The following SNTG1 variants were observed in gnomAD, a reference collection of about 807,000 sequenced individuals.
SNTG1 encodes gamma-1-syntrophin.
In SNTG1, 39 loss-of-function variants were observed where a neutral mutation model predicts 74.7. That is an observed-to-expected ratio of 0.52 (90% CI 0.40 to 0.68). SNTG1 has a LOEUF of 0.68. SNTG1 is among the 30% of genes least tolerant of loss of function. The pLI is 0.00. For missense variants in SNTG1, 685 were observed against 609.5 expected, an observed-to-expected ratio of 1.12 and a Z score of -1.30; for synonymous variants, 254 against 217.1, an observed-to-expected ratio of 1.17 and a Z score of -1.49.
chr8:50,202,986 G>T, intron 2 of SNTG1, among the ~76,000 whole-genome samples: 1 of 151,496 alleles, frequency 6.6e-6, no homozygotes. Context: ...TTTTGATATT[G>T]TCATTACACA....
chr8:50,748,120 G>C (rs1248688421), intron 17 of SNTG1, among the ~76,000 whole-genome samples: 1 of 151,982 alleles, frequency 6.6e-6, no homozygotes, highest in Non-Finnish European at 1.5e-5. Context: ...GAGACCATGG[G>C]TAATGTCTCC....
At chr8:50,502,458 A>G (rs1266349911) in intron 8 of SNTG1, among the ~76,000 whole-genome samples, 1 of 152,210 alleles carries the variant, frequency 6.6e-6, no homozygotes, top group Non-Finnish European at 1.5e-5. Context: ...AGTGACCTGA[A>G]CATTCTATCT....
At chr8:50,711,975 T>C (rs1326171107) in intron 17 of SNTG1, among the ~76,000 whole-genome samples, 1 of 152,226 alleles carries the variant, frequency 6.6e-6, no homozygotes, top group Non-Finnish European at 1.5e-5. Flanking sequence ...AAAAGCATAA[T>C]CTTGTTGCCA....
intron 9 of SNTG1, among the ~76,000 whole-genome samples, chr8:50,521,495 A>G (rs781773131): frequency 1.3e-5 from 2 of 152,120 alleles, no homozygotes; most frequent in African/African-American, 2.4e-5. Flanking sequence ...TAGTCTCTCT[A>G]TTGATGGATG....
chr8:50,740,410 T>C (rs577511966), intron 17 of SNTG1, among the ~76,000 whole-genome samples: 1 of 138,190 alleles, frequency 7.2e-6, no homozygotes, highest in East Asian at 2.1e-4. Context: ...GAAATGCAAA[T>C]CAAAACCACA....
intron 2 of SNTG1, among the ~76,000 whole-genome samples, chr8:50,332,301 T>A (rs934730848): frequency 1.3e-5 from 2 of 152,132 alleles, no homozygotes; most frequent in Admixed American, 6.6e-5. Context: ...GAAGAAAAAA[T>A]TGAGTTTTGG....
At chr8:50,342,630 T>C (rs2091351047) in intron 2 of SNTG1, among the ~76,000 whole-genome samples, 2 of 152,178 alleles carry the variant, frequency 1.3e-5, no homozygotes, top group South Asian at 4.1e-4. Context: ...TTTTTAAAAA[T>C]CTGTCATTCA....
chr8:50,769,811 A>G (rs1031616812), intron 18 of SNTG1, among the ~76,000 whole-genome samples: 6 of 152,068 alleles, frequency 3.9e-5, no homozygotes, highest in African/African-American at 1.2e-4. Flanking sequence ...CTCTTATTTT[A>G]TTTACATTAA....
At chr8:50,150,691 T>C (rs544484083) in intron 1 of SNTG1, among the ~76,000 whole-genome samples, 1 of 152,354 alleles carries the variant, frequency 6.6e-6, no homozygotes, top group East Asian at 1.9e-4. Context: ...TATGATGGAT[T>C]ACATTTATTG....
At chr8:49,991,851 G>C (rs1291959212) in intron 1 of SNTG1, among the ~76,000 whole-genome samples, 1 of 152,156 alleles carries the variant, frequency 6.6e-6, no homozygotes, top group Non-Finnish European at 1.5e-5. Flanking sequence ...CTTTGGTATG[G>C]TGGCATGTTC....
chr8:50,162,228 A>G (rs1037574267), intron 1 of SNTG1, among the ~76,000 whole-genome samples: 39 of 152,188 alleles, frequency 2.6e-4, no homozygotes, highest in Admixed American at 7.8e-4. Context: ...AGCCAATGGG[A>G]AGTGAGGCTG....
intron 2 of SNTG1, among the ~76,000 whole-genome samples, chr8:50,275,270 C>A (rs2130346033): frequency 6.6e-6 from 1 of 152,204 alleles, no homozygotes; most frequent in East Asian, 1.9e-4. Flanking sequence ...GATATTTAGA[C>A]AACTGATATT....
intron 15 of SNTG1, among the ~76,000 whole-genome samples, chr8:50,701,845 T>C (rs1336076699): frequency 6.8e-6 from 1 of 147,180 alleles, no homozygotes; most frequent in Non-Finnish European, 1.5e-5. Flanking sequence ...CTCCTCCTTC[T>C]CCCTCTTCTT....
chr8:50,617,119 T>C (rs2094890145), intron 13 of SNTG1, among the ~76,000 whole-genome samples: 1 of 152,044 alleles, frequency 6.6e-6, no homozygotes, highest in Non-Finnish European at 1.5e-5. Context: ...ATCTCACTCA[T>C]CCTGTTTTAC....
chr8:50,380,242 A>G (rs1187985104), intron 2 of SNTG1, among the ~76,000 whole-genome samples: 1 of 152,238 alleles, frequency 6.6e-6, no homozygotes. Flanking sequence ...AATGAAACTC[A>G]AGTGACTGTA....
chr8:50,688,328 G>A (rs541045255), intron 15 of SNTG1, among the ~76,000 whole-genome samples: 72 of 152,134 alleles, frequency 4.7e-4, no homozygotes, highest in African/African-American at 1.3e-3. Context: ...TGAAGTCCTC[G>A]CCCATGCCTA....
intron 2 of SNTG1, among the ~76,000 whole-genome samples, chr8:50,205,474 C>A (rs536757073): frequency 6.6e-6 from 1 of 152,186 alleles, no homozygotes; most frequent in African/African-American, 2.4e-5. Context: ...AGATATTAGA[C>A]CTTTGTCAGA....
At chr8:50,554,361 T>A (rs1408846366) in intron 12 of SNTG1, among the ~76,000 whole-genome samples, 1 of 152,194 alleles carries the variant, frequency 6.6e-6, no homozygotes, top group Non-Finnish European at 1.5e-5. Flanking sequence ...CCCCTCACTC[T>A]TGGTGGATGA....
chr8:50,014,937 T>C (rs1816169606), intron 1 of SNTG1, among the ~76,000 whole-genome samples: 1 of 151,234 alleles, frequency 6.6e-6, no homozygotes, highest in African/African-American at 2.4e-5. Flanking sequence ...TGGAAGAAAT[T>C]ATATTATCTA....
Sources: gnomAD v4.1 joint callset for allele counts (sites outside exome capture counted in the v4.1 genomes callset) on GRCh38, gnomAD v4.1.1 for gene constraint, MANE v1.5 for transcripts, NCBI Gene and HGNC (gene_info 2026-07-23, HGNC 2026-07-21) for gene names.